PLCB1: variants seen among roughly 807,000 people sequenced by gnomAD.
PLCB1 encodes 1-phosphatidylinositol 4,5-bisphosphate phosphodiesterase beta-1.
In PLCB1, 46 loss-of-function variants were observed where a neutral mutation model predicts 161.8. The observed-to-expected ratio is 0.28, with a 90% confidence interval of 0.22 to 0.36. The LOEUF is 0.36. PLCB1 is among the 10% of genes least tolerant of loss of function. The pLI is 1.00. For synonymous variants in PLCB1, 517 were observed against 503.7 expected (o/e 1.03, Z -0.35); for missense variants, 1,016 against 1,472.5 (o/e 0.69, Z 5.07).
chr20:8,266,205 G>A (rs1386183894), intron 2 of PLCB1, among the ~76,000 whole-genome samples: 3 of 152,158 alleles, frequency 2.0e-5, no homozygotes, highest in Admixed American at 2.0e-4. Context: ...TAGTAATATG[G>A]TTGCATTGGT....
chr20:8,441,267 A>G lies in PLCB1; in HGVS notation c.246+69817A>G, dbSNP rs557013385. On this transcript the variant is annotated intron_variant, in intron 3 of 31. Transcript: ENST00000338037. Reference sequence around the variant, plus strand: ...CTCTACAGAATTATAGTTGAAATCTATGTGAAAATATCAATTTTTACACTT... The same window carrying G: ...CTCTACAGAATTATAGTTGAAATCTGTGTGAAAATATCAATTTTTACACTT... 7.9e-5 allele frequency among the ~76,000 whole-genome samples: 12 copies of G among 152,330 alleles called. No individual in the cohort carries two copies. The East Asian group carries it at 2.1e-3, about 27-fold the overall frequency.
chr20:8,479,443 C>T (rs1449172448), intron 3 of PLCB1, among the ~76,000 whole-genome samples: 1 of 152,178 alleles, frequency 6.6e-6, no homozygotes, highest in African/African-American at 2.4e-5. Context: ...ACTGCAAGAT[C>T]TATGTCTATT....
chr20:8,574,821 G>A (rs1986625512), intron 3 of PLCB1, among the ~76,000 whole-genome samples: 1 of 152,192 alleles, frequency 6.6e-6, no homozygotes, highest in South Asian at 2.1e-4. Flanking sequence ...TGCACTTCCA[G>A]CCTGTTAGGC....
At chr20:8,837,262 A>C (rs752672694) in intron 31 of PLCB1, among the ~76,000 whole-genome samples, 1 of 152,184 alleles carries the variant, frequency 6.6e-6, no homozygotes, top group Non-Finnish European at 1.5e-5. Flanking sequence ...ATTCAAGTCC[A>C]AAGAGGCCCC....
intron 2 of PLCB1, among the ~76,000 whole-genome samples, chr20:8,171,977 G>A (rs59553467): frequency 0.068 from 10,299 of 152,070 alleles, 444 homozygotes; most frequent in Middle Eastern, 0.16. Flanking sequence ...CTGTTGTTGC[G>A]TATCATATGT....
chr20:8,363,035 T>TTTGG, intron 2 of PLCB1, among the ~76,000 whole-genome samples: 1 of 152,268 alleles, frequency 6.6e-6, no homozygotes, highest in South Asian at 2.1e-4. Flanking sequence ...ATTGTTTCTG[T>TTTGG]TTGGGCACAT....
At chr20:8,437,215 G>T (rs1980352875) in intron 3 of PLCB1, among the ~76,000 whole-genome samples, 1 of 152,174 alleles carries the variant, frequency 6.6e-6, no homozygotes, top group African/African-American at 2.4e-5. Flanking sequence ...GAGGAAAATG[G>T]ATAAAAACGT....
chr20:8,596,718 T>G (rs1987362496), intron 3 of PLCB1, among the ~76,000 whole-genome samples: 5 of 112,902 alleles, frequency 4.4e-5, no homozygotes, highest in African/African-American at 1.7e-4. Flanking sequence ...ATGATATTGA[T>G]TCTTCCTACC....
intron 31 of PLCB1, among the ~76,000 whole-genome samples, chr20:8,853,699 T>C (rs1986966818): frequency 1.3e-5 from 2 of 152,190 alleles, no homozygotes; most frequent in Admixed American, 1.3e-4. Flanking sequence ...TGCCTCTAAA[T>C]TGCAACTTCA....
intron 3 of PLCB1, among the ~76,000 whole-genome samples, chr20:8,585,502 A>G (rs1986962990): frequency 6.6e-6 from 1 of 152,200 alleles, no homozygotes; most frequent in African/African-American, 2.4e-5. Flanking sequence ...CACACATTTC[A>G]CTCCAATAAT....
chr20:8,321,915 C>G (rs1430295387), intron 2 of PLCB1, among the ~76,000 whole-genome samples: 2 of 152,106 alleles, frequency 1.3e-5, no homozygotes, highest in Non-Finnish European at 2.9e-5. Context: ...AGAGATTTCT[C>G]TGGGTTCCAC....
At chr20:8,297,515 TAAA>T (rs988664896) in intron 2 of PLCB1, among the ~76,000 whole-genome samples, 2 of 152,050 alleles carry the variant, frequency 1.3e-5, no homozygotes, top group Admixed American at 6.6e-5. Context: ...TGTTTATTGA[TAAA>T]AAATTCCAAA....
intron 25 of PLCB1, 78 bp from the exon 26 acceptor site, chr20:8,765,061 T>G: frequency 9.0e-7 from 1 of 1,111,484 alleles, no homozygotes; most frequent in Non-Finnish European, 1.3e-6. Flanking sequence ...CATTTCTTCC[T>G]AAGAAGGTAG....
At chr20:8,747,982 C>G (rs992566441) in intron 23 of PLCB1, among the ~76,000 whole-genome samples, 2 of 152,128 alleles carry the variant, frequency 1.3e-5, no homozygotes, top group Non-Finnish European at 2.9e-5. Flanking sequence ...ATATTTCATT[C>G]ACAATATAAG....
At chr20:8,542,802 C>T (rs931163222) in intron 3 of PLCB1, among the ~76,000 whole-genome samples, 5 of 152,120 alleles carry the variant, frequency 3.3e-5, no homozygotes, top group African/African-American at 4.8e-5. Context: ...AAACTGAAGC[C>T]GAGGGACGTT....
chr20:8,290,113 A>C (rs1038016148), intron 2 of PLCB1, among the ~76,000 whole-genome samples: 1 of 152,214 alleles, frequency 6.6e-6, no homozygotes, highest in Non-Finnish European at 1.5e-5. Flanking sequence ...AGGCAGCTGT[A>C]TCATAGTTTA....
intron 2 of PLCB1, among the ~76,000 whole-genome samples, chr20:8,321,314 C>T (rs1984909546): frequency 6.6e-6 from 1 of 152,132 alleles, no homozygotes. Context: ...ACCAGGCAGC[C>T]CTTTTGCTGT....
intron 2 of PLCB1, among the ~76,000 whole-genome samples, chr20:8,248,336 G>T (rs1980982324): frequency 6.6e-6 from 1 of 151,890 alleles, no homozygotes; most frequent in Non-Finnish European, 1.5e-5. Context: ...TAGTGTTAGG[G>T]CAGTTGCAGT....
chr20:8,367,631 C>T (rs939852725), intron 2 of PLCB1, among the ~76,000 whole-genome samples: 4 of 152,190 alleles, frequency 2.6e-5, no homozygotes, highest in Non-Finnish European at 5.9e-5. Flanking sequence ...TCTGTAGTCT[C>T]TCTCTCAAAG....
Sources: gnomAD v4.1 joint callset for allele counts (sites outside exome capture counted in the v4.1 genomes callset) on GRCh38, gnomAD v4.1.1 for gene constraint, MANE v1.5 for transcripts, NCBI Gene and HGNC (gene_info 2026-07-23, HGNC 2026-07-21) for gene names.